SPIDR: variants seen among roughly 807,000 people sequenced by gnomAD.
SPIDR encodes the protein scaffold protein involved in DNA repair.
Under a neutral mutation model 104.6 loss-of-function variants are expected in SPIDR, and 93 were observed. The ratio of observed to expected loss-of-function variants is 0.89; its 90% CI spans 0.75 to 1.06. SPIDR has a LOEUF of 1.06. Ranked by LOEUF, SPIDR falls within the 50% of genes least tolerant of loss-of-function variation. SPIDR has a pLI of 0.00. For missense variants in SPIDR, 1,154 were observed against 1,111.2 expected (o/e 1.04, Z -0.55); for synonymous variants, 431 against 416.9 (o/e 1.03, Z -0.41).
At chr8:47,647,616 A>AGAGAGAGAGAGAGAGAGAGAGAG (rs2070674174) in intron 10 of SPIDR, among the ~76,000 whole-genome samples, 2 of 60,456 alleles carry the variant, frequency 3.3e-5, no homozygotes, top group African/African-American at 1.1e-4. Flanking sequence ...TCCATCTCGA[A>AGAGAGAGAGAGAGAGAGAGAGAG]AGAGAGAGAG....
At chr8:47,473,941 C>T (rs2076008131) in intron 8 of SPIDR, among the ~76,000 whole-genome samples, 1 of 152,120 alleles carries the variant, frequency 6.6e-6, no homozygotes, top group Non-Finnish European at 1.5e-5. Context: ...CCTTATAGGC[C>T]AGAGGGCTTA....
At chr8:47,289,517 G>T (rs1172504964) in intron 3 of SPIDR, among the ~76,000 whole-genome samples, 2 of 151,990 alleles carry the variant, frequency 1.3e-5, no homozygotes, top group Non-Finnish European at 2.9e-5. Flanking sequence ...AGAAAAGTTT[G>T]CTGTTGACTT....
chr8:47,664,956 A>G (rs1588981645), intron 10 of SPIDR, among the ~76,000 whole-genome samples: 2 of 152,050 alleles, frequency 1.3e-5, no homozygotes, highest in South Asian at 4.1e-4. Flanking sequence ...GGAGGAAACG[A>G]AAGAGAACCT....
intron 10 of SPIDR, among the ~76,000 whole-genome samples, chr8:47,643,235 G>A (rs1400586272): frequency 6.6e-6 from 1 of 152,060 alleles, no homozygotes; most frequent in Non-Finnish European, 1.5e-5. Flanking sequence ...CATATCTAAA[G>A]TCTGAAAATT....
At chr8:47,584,338 T>C (rs1588064743) in intron 8 of SPIDR, among the ~76,000 whole-genome samples, 2 of 152,188 alleles carry the variant, frequency 1.3e-5, no homozygotes, top group Non-Finnish European at 2.9e-5. Context: ...ATTTCAAATA[T>C]ATGTTTACCT....
chr8:47,436,051 T>G (rs1447830831), intron 7 of SPIDR, among the ~76,000 whole-genome samples: 9 of 152,218 alleles, frequency 5.9e-5, no homozygotes, highest in African/African-American at 2.2e-4. Flanking sequence ...AGTATGAGAA[T>G]GGCCTTGAAA....
At chr8:47,396,265 C>G (rs2061235459) in intron 5 of SPIDR, 111 bp from the exon 6 acceptor site, 1 of 938,720 alleles carries the variant, frequency 1.1e-6, no homozygotes, top group African/African-American at 1.7e-5. Context: ...CAAAAAGGTC[C>G]TTCAAGAGCT....
intron 8 of SPIDR, among the ~76,000 whole-genome samples, chr8:47,472,013 T>C (rs1347758574): frequency 6.6e-6 from 1 of 152,236 alleles, no homozygotes; most frequent in African/African-American, 2.4e-5. Context: ...AGAGTGGTGA[T>C]TGCAGACTTT....
intron 8 of SPIDR, among the ~76,000 whole-genome samples, chr8:47,479,104 T>G (rs1554725355): frequency 6.6e-6 from 1 of 152,114 alleles, no homozygotes; most frequent in African/African-American, 2.4e-5. Context: ...CTCACGCCTG[T>G]AATTCCAACA....
intron 8 of SPIDR, among the ~76,000 whole-genome samples, chr8:47,480,216 G>C (rs1554726206): frequency 6.6e-6 from 1 of 152,142 alleles, no homozygotes; most frequent in East Asian, 1.9e-4. Flanking sequence ...TGAATATAAA[G>C]AAAAGGCAAG....
In SPIDR at chr8:47,483,572, G is replaced by A. The variant is rs191124470; in HGVS notation, c.1097+43030G>A. ...AGGTAGTTGCACAGATTATCTCTGA[G>A]GGAGGTGACTAAGAAGCTGAACTCC... On this transcript the variant is annotated intron_variant, in intron 8 of 19. Coordinates refer to ENST00000297423, the MANE Select transcript of SPIDR (RefSeq NM_001080394.4). Among the ~76,000 whole-genome samples, 5 of 152,302 alleles carry A rather than the reference G, an allele frequency of 3.3e-5. No individual in the cohort carries two copies. The East Asian group carries it at 9.7e-4, about 29-fold the overall frequency.
chr8:47,380,555 T>C (rs1263033232), intron 5 of SPIDR, among the ~76,000 whole-genome samples: 4 of 151,926 alleles, frequency 2.6e-5, no homozygotes, highest in Admixed American at 6.6e-5. Context: ...TCCCCTCCCC[T>C]CTTGCCCCGC....
At chr8:47,379,781 C>A (rs1554644407) in intron 5 of SPIDR, among the ~76,000 whole-genome samples, 1 of 152,204 alleles carries the variant, frequency 6.6e-6, no homozygotes, top group African/African-American at 2.4e-5. Flanking sequence ...GCCTGCGGAG[C>A]TCTGTGTCCC....
chr8:47,546,641 G>C (rs976658022), intron 8 of SPIDR, among the ~76,000 whole-genome samples: 5 of 151,790 alleles, frequency 3.3e-5, no homozygotes, highest in Non-Finnish European at 7.4e-5. Context: ...GCTTGCTGTG[G>C]GTTTATTTTG....
intron 5 of SPIDR, among the ~76,000 whole-genome samples, chr8:47,395,781 T>A (rs2061182747): frequency 6.6e-6 from 1 of 152,202 alleles, no homozygotes. Flanking sequence ...AGAAACATTT[T>A]AGGAAATCTT....
At chr8:47,679,930 T>C (rs773547887) in intron 11 of SPIDR, among the ~76,000 whole-genome samples, 2 of 152,248 alleles carry the variant, frequency 1.3e-5, no homozygotes, top group Non-Finnish European at 2.9e-5. Flanking sequence ...TTAGGTGTTT[T>C]CTTGGGTTAA....
At chr8:47,353,224 T>C (rs1329209631) in intron 5 of SPIDR, among the ~76,000 whole-genome samples, 1 of 152,148 alleles carries the variant, frequency 6.6e-6, no homozygotes, top group African/African-American at 2.4e-5. Context: ...ACTGCCTGCA[T>C]ACTTATATAT....
At chr8:47,605,571 GTT>G in intron 10 of SPIDR, among the ~76,000 whole-genome samples, 1 of 152,312 alleles carries the variant, frequency 6.6e-6, no homozygotes, top group African/African-American at 2.4e-5. Context: ...GAGGCTGGTG[GTT>G]TAATGGAAAG....
chr8:47,352,869 C>T (rs935163121), intron 5 of SPIDR, among the ~76,000 whole-genome samples: 6 of 151,850 alleles, frequency 4.0e-5, no homozygotes, highest in African/African-American at 1.2e-4. Flanking sequence ...TCCTGGCCAA[C>T]GTGGTGAAAC....
Sources: gnomAD v4.1 joint callset for allele counts (sites outside exome capture counted in the v4.1 genomes callset) on GRCh38, gnomAD v4.1.1 for gene constraint, MANE v1.5 for transcripts, NCBI Gene and HGNC (gene_info 2026-07-23, HGNC 2026-07-21) for gene names.